The following KBTBD11 variants were observed in gnomAD, a reference collection of about 807,000 sequenced individuals.
KBTBD11 encodes the protein kelch repeat and BTB domain containing 11.
For missense variants in KBTBD11, 1,390 were observed against 1,001.8 expected (o/e 1.39, Z -5.23); for synonymous variants, 747 against 499.0 (o/e 1.50, Z -6.63).
chr8:1,991,700 C>A (rs2129313042), intron 1 of KBTBD11, among the ~76,000 whole-genome samples: 1 of 152,134 alleles, frequency 6.6e-6, no homozygotes, highest in African/African-American at 2.4e-5. Flanking sequence ...GGCCTGCTTC[C>A]TGGGGGTCCT....
rs762811153 is a variant in KBTBD11, at chr8:2,002,822, C to T, written c.1630C>T (p.Pro544Ser). Residue 544 changes from proline (P) to serine (S), a missense_variant, in exon 2 of 2, where the codon CCC (proline) becomes TCC (serine). Physicochemically the swap from Pro to Ser is moderately conservative, Grantham distance 74. Coordinates refer to ENST00000320248, the MANE Select transcript of KBTBD11 (RefSeq NM_014867.3). This position sits in a 1 kb window ranked among gnomAD's most constrained non-coding sequence, Gnocchi z 4.1. ...WSPCVAPLRL[P>S]GGPTGLQPFR... ...CCCGTGCGTCGCGCCCCTGCGCCTC[C>T]CCGGCGGCCCCACGGGCCTGCAGCC... is the stretch of plus-strand genomic sequence containing the variant. The T allele has an allele frequency of 2.0e-4, 287 of 1,430,436 alleles. 3 individuals are homozygous for T. The Middle Eastern group carries it at 2.6e-3, about 13-fold the overall frequency. The allele number at this position is 1,430,436 out of a possible 1,614,324, so 88.6% of individuals were successfully genotyped here.
chr8:1,995,152 G>A (rs1031668382), intron 1 of KBTBD11, among the ~76,000 whole-genome samples: 6 of 151,298 alleles, frequency 4.0e-5, no homozygotes, highest in Admixed American at 2.0e-4. Flanking sequence ...GTATATTATG[G>A]AACATTTACT....
chr8:1,987,524 G>A (rs935553189), intron 1 of KBTBD11, among the ~76,000 whole-genome samples: 1 of 152,096 alleles, frequency 6.6e-6, no homozygotes, highest in East Asian at 1.9e-4. Context: ...GGGCCCTTGT[G>A]CTGCCCCCAC....
intron 1 of KBTBD11, among the ~76,000 whole-genome samples, chr8:1,993,922 T>TACACACACACAC (rs57317862): frequency 0.14 from 20,137 of 139,534 alleles, 1,919 homozygotes; most frequent in East Asian, 0.37. Context: ...CAATACCCCC[T>TACACACACACAC]ACACACACAC....
intron 1 of KBTBD11, chr8:1,976,344 C>T (rs1816342862): frequency 1.3e-5 from 2 of 152,040 alleles, no homozygotes; most frequent in Admixed American, 1.3e-4. Flanking sequence ...TGTTGGTATC[C>T]AGCACATGTT....
At chr8:1,990,406 G>C (rs1816871371) in intron 1 of KBTBD11, among the ~76,000 whole-genome samples, 1 of 143,930 alleles carries the variant, frequency 6.9e-6, no homozygotes, top group Non-Finnish European at 1.5e-5. Context: ...CCGGGTAGGT[G>C]CTGCCGGGCC....
rs1447071972 is a variant in KBTBD11, at chr8:2,001,005, G to A, written c.-188G>A. ...GGAGAGGAGAGGGCAAAGGCGAGGC[G>A]GGGGAGCAGCGTGTGAGATTCCCCC... On this transcript the variant is annotated 5_prime_UTR_variant, in exon 2 of 2. Coordinates refer to ENST00000320248, the MANE Select transcript of KBTBD11 (RefSeq NM_014867.3). The A allele has an allele frequency of 7.9e-6, 6 of 755,994 alleles. No homozygotes were observed. The highest frequency in any genetic ancestry group is 6.6e-5 in the South Asian group (1 of 15,104). 46.8% of individuals were successfully genotyped at this position (755,994 alleles called of 1,614,324 possible). A position where few individuals can be genotyped will look rare whatever the true frequency, so the allele number is the denominator to read the frequency against.
Position 1,976,917 on chromosome 8 carries a change from G to A in KBTBD11, c.-909+2982G>A, listed in dbSNP as rs531560043. Among the ~76,000 whole-genome samples, 40 of 152,256 alleles carry A rather than the reference G, an allele frequency of 2.6e-4. 1 individual carries two copies. Among genetic ancestry groups the A allele is most frequent in the African/African-American group, 9.1e-4 (38 of 41,562 alleles). On this transcript the variant is annotated intron_variant, in intron 1 of 1. Transcript: ENST00000320248. ...TCAGTGAGGGGCGCTGGAGCAGGGT[G>A]TAGTAAAAGTGTAATGTCAGCCGAT... is the stretch of plus-strand genomic sequence containing the variant.
intron 1 of KBTBD11, among the ~76,000 whole-genome samples, chr8:1,989,874 A>G (rs1384891782): frequency 2.7e-5 from 4 of 147,114 alleles, no homozygotes; most frequent in Admixed American, 6.9e-5. Context: ...AATCCCTGCT[A>G]ATTTGTGAGG....
chr8:1,991,486 GT>G (rs1563370330), intron 1 of KBTBD11, among the ~76,000 whole-genome samples: 1 of 152,258 alleles, frequency 6.6e-6, no homozygotes, highest in East Asian at 1.9e-4. Context: ...GTTTTCTGCT[GT>G]GTGCATTGTT....
intron 1 of KBTBD11, among the ~76,000 whole-genome samples, chr8:1,990,530 G>T (rs1816877572): frequency 1.8e-5 from 1 of 55,686 alleles, no homozygotes; most frequent in Non-Finnish European, 3.3e-5. Flanking sequence ...CGCCCTGTCC[G>T]GGTAGATGCT....
chr8:1,993,469 C>G (rs1300090455), intron 1 of KBTBD11, among the ~76,000 whole-genome samples: 4 of 150,588 alleles, frequency 2.7e-5, no homozygotes, highest in Non-Finnish European at 5.9e-5. Context: ...ACCCATCTGT[C>G]TATCCATCCA....
chr8:2,002,003 G>T lies in KBTBD11; in HGVS notation c.811G>T (p.Ala271Ser). 1 of 1,417,984 alleles carries T rather than the reference G, an allele frequency of 7.1e-7. No individual in the cohort carries two copies. Among genetic ancestry groups the T allele is most frequent in the Non-Finnish European group, 9.3e-7 (1 of 1,076,664 alleles). The allele number at this position is 1,417,984 out of a possible 1,614,324, so 87.8% of individuals were successfully genotyped here. ...DHYLEVLREP[A>S]VFGRLSGAER... ...CTATCTGGAGGTGCTGCGCGAGCCCGCCGTGTTCGGCCGCCTGTCGGGCGC... is the reference window on the plus strand; with the variant it reads ...CTATCTGGAGGTGCTGCGCGAGCCCTCCGTGTTCGGCCGCCTGTCGGGCGC... Residue 271 changes from alanine (A) to serine (S), a missense_variant, in exon 2 of 2, where the codon GCC becomes TCC. By Grantham distance (99) the Ala-to-Ser change is moderately conservative. Transcript: ENST00000320248. This position sits in a 1 kb window ranked among gnomAD's most constrained non-coding sequence, Gnocchi z 4.1.
chr8:1,995,552 G>A (rs901478173), intron 1 of KBTBD11, among the ~76,000 whole-genome samples: 2 of 152,102 alleles, frequency 1.3e-5, no homozygotes, highest in African/African-American at 4.8e-5. Context: ...GTGTGAGGAC[G>A]GCCAGTTCCA....
chr8:1,982,535 A>G (rs567794297), intron 1 of KBTBD11, among the ~76,000 whole-genome samples: 3 of 152,320 alleles, frequency 2.0e-5, no homozygotes, highest in African/African-American at 7.2e-5. Context: ...TTGAGGAAAC[A>G]CAGGTTGAGA....
rs1391506740 is a variant in KBTBD11 at position 2,001,482 on chromosome 8, G to C, written c.290G>C (p.Arg97Pro). 7.3e-7 allele frequency: 1 copy of C among 1,378,298 alleles called. No individual in the cohort carries two copies. The highest frequency in any genetic ancestry group is 9.3e-7 in the Non-Finnish European group (1 of 1,073,404). 85.4% of individuals were successfully genotyped at this position (1,378,298 alleles called of 1,614,324 possible). A position where few individuals can be genotyped will look rare whatever the true frequency, so the allele number is the denominator to read the frequency against. The change falls in exon 2 of 2, where the codon CGC (arginine) becomes CCC (proline). Residue 97 changes from arginine (R) to proline (P), a missense_variant. Arg to Pro is a moderately radical substitution (Grantham distance 103). Coordinates refer to ENST00000320248, the MANE Select transcript of KBTBD11 (RefSeq NM_014867.3). ...SPEELASPEE[R>P]ACPEEPAAPS... is the part of the protein sequence containing the mutation. ...GAGGAGCTCGCGTCCCCTGAGGAGC[G>C]CGCGTGCCCGGAAGAGCCCGCGGCG...
chr8:1,998,662 C>A (rs1563376017), intron 1 of KBTBD11, among the ~76,000 whole-genome samples: 1 of 152,178 alleles, frequency 6.6e-6, no homozygotes, highest in Non-Finnish European at 1.5e-5. Flanking sequence ...CTGTATCTTA[C>A]AGAAGCAGTG....
chr8:2,002,400 C>T lies in KBTBD11; in HGVS notation c.1208C>T (p.Ser403Leu). 4.1e-6 allele frequency: 6 copies of T among 1,480,772 alleles called. No homozygotes were observed. Among genetic ancestry groups the T allele is most frequent in the East Asian group, 5.9e-5 (2 of 34,124 alleles). The allele number at this position is 1,480,772 out of a possible 1,614,324, so 91.7% of individuals were successfully genotyped here. The change falls in exon 2 of 2, where the codon TCG becomes TTG. Residue 403 changes from serine (S) to leucine (L), a missense_variant. By Grantham distance (145) the Ser-to-Leu change is moderately radical (BLOSUM62 -2). Coordinates refer to ENST00000320248, the MANE Select transcript of KBTBD11 (RefSeq NM_014867.3). This position sits in a 1 kb window ranked among gnomAD's most constrained non-coding sequence, Gnocchi z 4.1. ...SAVRPLRQAR[S>L]QLRLLALDGH... ...GTGAGGCCCCTGCGCCAGGCGCGCT[C>T]GCAGCTGCGGCTGCTGGCCCTGGAC...
At chr8:1,989,300 G>C (rs987577986) in intron 1 of KBTBD11, among the ~76,000 whole-genome samples, 1 of 152,204 alleles carries the variant, frequency 6.6e-6, no homozygotes, top group Non-Finnish European at 1.5e-5. Flanking sequence ...AGGCTCTTTT[G>C]AATGAGTACA....
Sources: gnomAD v4.1 joint callset for allele counts (sites outside exome capture counted in the v4.1 genomes callset) on GRCh38, gnomAD v4.1.1 for gene constraint, Gnocchi (gnomAD v3.1) non-coding constraint, MANE v1.5 for transcripts, NCBI Gene and HGNC (gene_info 2026-07-23, HGNC 2026-07-21) for gene names.